The following ANKHD1 variants were observed in gnomAD, a reference collection of about 807,000 sequenced individuals.
ANKHD1 encodes ankyrin repeat and KH domain containing 1.
A neutral mutation model predicts 230.5 loss-of-function variants in ANKHD1; 31 were observed. The observed-to-expected ratio is 0.13, with a 90% CI of 0.10 to 0.18. ANKHD1 has a LOEUF of 0.18. Ranked by LOEUF, ANKHD1 falls within the 10% of genes least tolerant of loss-of-function variation. The pLI is 1.00. For synonymous variants in ANKHD1, 1,074 were observed against 1,117.6 expected (o/e 0.96, Z 0.78); for missense variants, 2,256 against 3,071.3 (o/e 0.73, Z 6.27).
intron 9 of ANKHD1, among the ~76,000 whole-genome samples, chr5:140,460,798 G>A (rs1386295167): frequency 6.6e-6 from 1 of 152,212 alleles, no homozygotes; most frequent in Admixed American, 6.5e-5. Flanking sequence ...TGGGATTACA[G>A]ATGTGAACTA....
intron 9 of ANKHD1, among the ~76,000 whole-genome samples, chr5:140,460,620 A>G (rs1775634460): frequency 6.6e-6 from 1 of 152,112 alleles, no homozygotes; most frequent in Non-Finnish European, 1.5e-5. Context: ...TCCTGGGCTC[A>G]AGTGATCCTT....
chr5:140,434,426 T>C (rs1773287177), intron 1 of ANKHD1, among the ~76,000 whole-genome samples: 2 of 149,848 alleles, frequency 1.3e-5, no homozygotes, highest in African/African-American at 4.9e-5. Flanking sequence ...AGTATATATA[T>C]TATCTGTATA....
At chr5:140,476,162 CAA>C (rs1750952710) in intron 10 of ANKHD1, among the ~76,000 whole-genome samples, 1 of 151,158 alleles carries the variant, frequency 6.6e-6, no homozygotes, top group African/African-American at 2.4e-5. Context: ...AGTGATAAAA[CAA>C]GAAATAATAC....
At chr5:140,424,567 T>C (rs982308930) in intron 1 of ANKHD1, among the ~76,000 whole-genome samples, 22 of 152,222 alleles carry the variant, frequency 1.4e-4, no homozygotes, top group Admixed American at 1.4e-3. Flanking sequence ...GTTGGAAAGA[T>C]AGTCAAAGCC....
chr5:140,539,260 T>C (rs1754204451), intron 33 of ANKHD1, 99 bp from the exon 34 acceptor site: 1 of 1,587,060 alleles, frequency 6.3e-7, no homozygotes, highest in Non-Finnish European at 8.6e-7. Context: ...GTATTCTTCC[T>C]AGGCAGAAAC....
At chr5:140,452,524 T>G (rs200579919) in intron 7 of ANKHD1, among the ~76,000 whole-genome samples, 1 of 152,140 alleles carries the variant, frequency 6.6e-6, no homozygotes, top group Non-Finnish European at 1.5e-5. Flanking sequence ...AGACGAAGCT[T>G]CCAGAGGAAC....
In ANKHD1 at chr5:140,482,612, G is replaced by A. The variant is rs759636528; in HGVS notation, c.1815G>A (p.Leu605=). The A allele has an allele frequency of 2.5e-6, 4 of 1,612,788 alleles. No homozygotes were observed. In the East Asian group the frequency reaches 8.9e-5, roughly 36 times the overall value. The change falls in exon 11 of 34, where the codon TTG becomes TTA. Residue 605 remains leucine (L), a synonymous_variant. Transcript: ENST00000360839. ...AATCTGAAGGTGGAAGAACACCTTT[G>A]ATGAAAGCTGCAAGAGCTGGTCATT... The part of the protein sequence containing the change: ...EHESEGGRTP[L]MKAARAGHLC...
intron 23 of ANKHD1, 27 bp from the exon 24 acceptor site, chr5:140,513,336 T>TTTCC (rs748724288): frequency 6.3e-7 from 1 of 1,582,102 alleles, no homozygotes; most frequent in Non-Finnish European, 8.6e-7. Flanking sequence ...TCATTATATA[T>TTTCC]TTACATAATT....
intron 1 of ANKHD1, among the ~76,000 whole-genome samples, chr5:140,422,399 A>C (rs1772052704): frequency 6.6e-6 from 1 of 152,116 alleles, no homozygotes; most frequent in African/African-American, 2.4e-5. Flanking sequence ...TGCTGGGATT[A>C]CAGGCATCAG....
chr5:140,423,801 C>G lies in ANKHD1; in HGVS notation c.307-12303C>G, dbSNP rs543315569. 3.4e-3 allele frequency among the ~76,000 whole-genome samples: 512 copies of G among 152,256 alleles called. 1 individual carries two copies. The highest frequency in any genetic ancestry group is 3.1e-3 in the Non-Finnish European group (214 of 68,018). Reference sequence around the variant, plus strand: ...TCCCCCAAAGTTCATGTGTTAGAAACTTGGTTCCTAGTTCAACAGTGTTAG... The same window carrying G: ...TCCCCCAAAGTTCATGTGTTAGAAAGTTGGTTCCTAGTTCAACAGTGTTAG... On this transcript the variant is annotated intron_variant, in intron 1 of 33. Coordinates refer to ENST00000360839, the MANE Select transcript of ANKHD1 (RefSeq NM_017747.3).
intron 7 of ANKHD1, among the ~76,000 whole-genome samples, chr5:140,456,586 A>C (rs2126959195): frequency 6.6e-6 from 1 of 152,356 alleles, no homozygotes; most frequent in East Asian, 1.9e-4. Context: ...TCTTTTGACA[A>C]ATCTGAGAAA....
intron 10 of ANKHD1, among the ~76,000 whole-genome samples, chr5:140,466,804 G>A (rs909083923): frequency 6.6e-5 from 10 of 151,960 alleles, no homozygotes; most frequent in African/African-American, 2.2e-4. Flanking sequence ...AAAATTAGCC[G>A]GGCATGGTGG....
At chr5:140,448,464 G>A (rs559654653) in intron 6 of ANKHD1, among the ~76,000 whole-genome samples, 3 of 152,240 alleles carry the variant, frequency 2.0e-5, no homozygotes, top group African/African-American at 7.2e-5. Flanking sequence ...TTGCCAAATT[G>A]CCTTCTAGAA....
chr5:140,445,243 C>T (rs184675433), intron 5 of ANKHD1, among the ~76,000 whole-genome samples: 67 of 152,112 alleles, frequency 4.4e-4, no homozygotes, highest in African/African-American at 1.4e-3. Flanking sequence ...TGTCAGATTA[C>T]GCCTGTAATC....
At chr5:140,523,567 T>A (rs1317512363) in intron 24 of ANKHD1, among the ~76,000 whole-genome samples, 1 of 148,030 alleles carries the variant, frequency 6.8e-6, no homozygotes, top group African/African-American at 2.5e-5. Flanking sequence ...ACTGTTTACT[T>A]TTTTTTTTTT....
intron 1 of ANKHD1, among the ~76,000 whole-genome samples, chr5:140,421,188 C>T (rs761139041): frequency 6.6e-6 from 1 of 151,292 alleles, no homozygotes; most frequent in Non-Finnish European, 1.5e-5. Context: ...TAGTTGTCTT[C>T]TGAGTGGACT....
chr5:140,497,953 G>A (rs1464089628), intron 15 of ANKHD1: 2 of 151,136 alleles, frequency 1.3e-5, no homozygotes, highest in African/African-American at 4.9e-5. Flanking sequence ...TGAAGTATAT[G>A]TTTCTGTTTA....
chr5:140,465,713 A>G (rs1234342951), intron 10 of ANKHD1, among the ~76,000 whole-genome samples: 1 of 152,194 alleles, frequency 6.6e-6, no homozygotes, highest in Non-Finnish European at 1.5e-5. Flanking sequence ...TATGATTGTT[A>G]TTTATTATCA....
In ANKHD1 at chr5:140,438,605, G is replaced by T. The variant is rs1773625696; in HGVS notation, c.605G>T (p.Gly202Val). 1.3e-6 allele frequency: 2 copies of T among 1,599,428 alleles called. No homozygotes were observed. Among genetic ancestry groups the T allele is most frequent in the Non-Finnish European group, 8.5e-7 (1 of 1,171,372 alleles). Residue 202 changes from glycine (G) to valine (V), a missense_variant, in exon 3 of 34, where the codon GGA (glycine) becomes GTA (valine). Around this residue, in one of 13 missense-constraint regions of ANKHD1, gnomAD observed 206 missense variants for 304.5 expected, o/e 0.68. Coordinates refer to ENST00000360839, the MANE Select transcript of ANKHD1 (RefSeq NM_017747.3). The stretch of plus-strand genomic sequence containing the variant: ...AAAGCAGAAAACAGCCACAATGCAG[G>T]ACAAGTGGACACGTATGTGTTTAAT... ...RMKAENSHNA[G>V]QVDTRSLAEA... is the part of the protein sequence containing the mutation.
Sources: allele counts gnomAD v4.1 joint callset (sites outside exome capture counted in the v4.1 genomes callset), GRCh38; gene constraint gnomAD v4.1.1; regional missense constraint gnomAD v4.1.1; transcripts MANE v1.5; gene names NCBI Gene and HGNC (gene_info 2026-07-23, HGNC 2026-07-21).